The following SERPINA5 variants were observed in gnomAD, a reference collection of about 807,000 sequenced individuals.
SERPINA5 encodes serpin family A member 5.
A neutral mutation model predicts 25.3 loss-of-function variants in SERPINA5; 25 were observed. The ratio of observed to expected loss-of-function variants is 0.99; its 90% CI spans 0.72 to 1.38. The LOEUF (loss-of-function observed/expected upper bound fraction) is 1.38. SERPINA5 is among the 40% of genes most tolerant of loss of function. The pLI is 0.00. For synonymous variants in SERPINA5, 234 were observed against 206.2 expected (o/e 1.14, Z -1.16); for missense variants, 599 against 509.5 (o/e 1.18, Z -1.69).
intron 2 of SERPINA5, among the ~76,000 whole-genome samples, chr14:94,585,085 A>G (rs1885031598): frequency 6.6e-6 from 1 of 152,094 alleles, no homozygotes; most frequent in Non-Finnish European, 1.5e-5. Context: ...AAGAGGAGGC[A>G]GGACTCTGCA....
intron 2 of SERPINA5, chr14:94,587,032 C>G: frequency 3.7e-6 from 1 of 272,962 alleles, no homozygotes; most frequent in South Asian, 8.1e-5. Flanking sequence ...GGAACCCTCT[C>G]CCTCCATATC....
chr14:94,585,674 A>G (rs1433697753), intron 2 of SERPINA5, among the ~76,000 whole-genome samples: 3 of 152,106 alleles, frequency 2.0e-5, no homozygotes, highest in African/African-American at 7.2e-5. Flanking sequence ...GATTCCCTCC[A>G]AGGCGACACA....
Position 94,587,574 on chromosome 14 carries a change from G to A in SERPINA5, c.212G>A (p.Ser71Asn). The A allele has an allele frequency of 6.2e-7, 1 of 1,614,104 alleles. No individual in the cohort carries two copies. The highest frequency in any genetic ancestry group is 8.5e-7 in the Non-Finnish European group (1 of 1,179,966). The change falls in exon 3 of 6, where the codon AGC becomes AAC. Residue 71 changes from serine to asparagine, a missense_variant. Ser to Asn is a conservative substitution (Grantham distance 46, BLOSUM62 1). Transcript: ENST00000329597. ...CAGAGCATCTTCTTCTCCCCTGTGA[G>A]CATCTCCATGAGCCTGGCCATGCTC... is the stretch of plus-strand genomic sequence containing the variant. ...PSQSIFFSPV[S>N]ISMSLAMLSL... is the part of the protein sequence containing the mutation.
At chr14:94,586,423 G>GTGGC (rs2139925694) in intron 2 of SERPINA5, among the ~76,000 whole-genome samples, 1 of 152,124 alleles carries the variant, frequency 6.6e-6, no homozygotes, top group Non-Finnish European at 1.5e-5. Flanking sequence ...TGGCTCACAG[G>GTGGC]TGGCTGCCTT....
At position 94,587,499 on chromosome 14, in the gene SERPINA5, G is replaced by A. The variant is rs1358995737; in HGVS notation, c.137G>A (p.Arg46Lys). Reference sequence around the variant, plus strand: ...GCCACGGTGGCCCCCAGCAGCAGAAGGGACTTTACCTTTGACCTCTACAGG... The same window carrying A: ...GCCACGGTGGCCCCCAGCAGCAGAAAGGACTTTACCTTTGACCTCTACAGG... ...VGATVAPSSRRDFTFDLYRAL... is the reference protein window; with the variant it reads ...VGATVAPSSRKDFTFDLYRAL... Residue 46 changes from arginine to lysine, a missense_variant, in exon 3 of 6, where the codon AGG becomes AAG. By Grantham distance (26) the Arg-to-Lys change is conservative. Transcript: ENST00000329597. 1.9e-6 allele frequency: 3 copies of A among 1,614,092 alleles called. No homozygotes were observed. The highest frequency in any genetic ancestry group is 1.1e-5 in the South Asian group (1 of 91,080).
At chr14:94,584,097 G>A (rs182262351) in intron 2 of SERPINA5, among the ~76,000 whole-genome samples, 51 of 152,292 alleles carry the variant, frequency 3.3e-4, no homozygotes, top group Admixed American at 2.0e-3. Flanking sequence ...TGAACCGCCT[G>A]GGGATACCAG....
At position 94,590,879 on chromosome 14, in the gene SERPINA5, A is replaced by G; in HGVS notation, c.1021A>G (p.Asn341Asp). 6.2e-7 allele frequency: 1 copy of G among 1,611,230 alleles called. No homozygotes were observed. The change falls in exon 5 of 6, where the codon AAT becomes GAT. Residue 341 changes from asparagine (N) to aspartate (D), a missense_variant. Physicochemically the swap from Asn to Asp is conservative, Grantham distance 23. Coordinates refer to ENST00000329597, the MANE Select transcript of SERPINA5 (RefSeq NM_000624.6). The stretch of plus-strand genomic sequence containing the variant: ...TCTGTCCGGCATCAGCAACCACTCA[A>G]ATATCCAGGTGTCTGAGGTGGGTTC... ...ADLSGISNHS[N>D]IQVSEMVHKA...
chr14:94,591,924 A>G, intron 5 of SERPINA5, 133 bp from the exon 6 acceptor site: 2 of 1,004,184 alleles, frequency 2.0e-6, no homozygotes, highest in East Asian at 2.4e-5. Context: ...CCATTGTTCC[A>G]TTTCCTACTT....
intron 2 of SERPINA5, among the ~76,000 whole-genome samples, chr14:94,582,556 G>A (rs146865582): frequency 5.1e-4 from 78 of 152,340 alleles, no homozygotes; most frequent in African/African-American, 1.4e-3. Context: ...GCTCCGGGGC[G>A]GGGAGAGCTC....
At position 94,587,946 on chromosome 14, in the gene SERPINA5, C is replaced by A. The variant is rs555139768; in HGVS notation, c.584C>A (p.Ala195Glu). 1 of 1,614,142 alleles carries A rather than the reference C, an allele frequency of 6.2e-7. No individual in the cohort carries two copies. The highest frequency in any genetic ancestry group is 1.7e-5 in the Admixed American group (1 of 60,018). ...TTGCTTAAGAACCTCGATAGCAATG[C>A]GGTCGTGATCATGGTGAATTACATC... Reference protein sequence around the residue: ...VDLLKNLDSNAVVIMVNYIFF... With the variant: ...VDLLKNLDSNEVVIMVNYIFF... Residue 195 changes from alanine (A) to glutamate (E), a missense_variant, in exon 3 of 6, where the codon GCG becomes GAG. Ala to Glu is a moderately radical substitution (Grantham distance 107, BLOSUM62 -1). Coordinates refer to ENST00000329597, the MANE Select transcript of SERPINA5 (RefSeq NM_000624.6).
Position 94,592,366 on chromosome 14 carries a change from A to G in SERPINA5, c.*127A>G. ...AGTTGACTAATGAGGCATTACAAAT[A>G]ATATTACTCTATGATGATTGCTTCC... is the stretch of plus-strand genomic sequence containing the variant. On this transcript the variant is annotated 3_prime_UTR_variant, in exon 6 of 6. Transcript: ENST00000329597. 1 of 909,380 alleles carries G rather than the reference A, an allele frequency of 1.1e-6. No homozygotes were observed. Among genetic ancestry groups the G allele is most frequent in the Non-Finnish European group, 1.7e-6 (1 of 598,174 alleles). 56.3% of individuals were successfully genotyped at this position (909,380 alleles called of 1,614,324 possible). A position where few individuals can be genotyped will look rare whatever the true frequency, so the allele number is the denominator to read the frequency against.
Position 94,593,020 on chromosome 14 carries a change from G to T in SERPINA5, c.*781G>T, listed in dbSNP as rs1047541370. 3 of 152,174 alleles carry T rather than the reference G, an allele frequency of 2.0e-5. No individual in the cohort carries two copies. Among genetic ancestry groups the T allele is most frequent in the African/African-American group, 7.2e-5 (3 of 41,448 alleles). The allele number at this position is 152,174 out of a possible 1,614,324, so 9.4% of individuals were successfully genotyped here. A position where few individuals can be genotyped will look rare whatever the true frequency, so the allele number is the denominator to read the frequency against. On this transcript the variant is annotated 3_prime_UTR_variant, in exon 6 of 6. Transcript: ENST00000329597. ...GGGCCTGGCTGGGAGTGGAAGAAGG[G>T]AAGCCTTTTGCAAATAGTAGAGTAT...
rs1885334383 is a variant in SERPINA5, at chr14:94,592,373, C to T, written c.*134C>T. On this transcript the variant is annotated 3_prime_UTR_variant, in exon 6 of 6. Transcript: ENST00000329597. ...TAATGAGGCATTACAAATAATATTACTCTATGATGATTGCTTCCACCCACA... is the reference window on the plus strand; with the variant it reads ...TAATGAGGCATTACAAATAATATTATTCTATGATGATTGCTTCCACCCACA... The T allele has an allele frequency of 1.2e-6, 1 of 867,268 alleles. No individual in the cohort carries two copies. The allele number at this position is 867,268 out of a possible 1,614,324, so 53.7% of individuals were successfully genotyped here. A position where few individuals can be genotyped will look rare whatever the true frequency, so the allele number is the denominator to read the frequency against.
At chr14:94,582,212 A>G (rs917191496) in intron 2 of SERPINA5, 3 of 152,244 alleles carry the variant, frequency 2.0e-5, no homozygotes, top group African/African-American at 7.2e-5. Flanking sequence ...CAGAATTTTT[A>G]GTTTTTCTGA....
At chr14:94,590,993 T>A in intron 5 of SERPINA5, 97 bp downstream of exon 5, 1 of 1,223,042 alleles carries the variant, frequency 8.2e-7, no homozygotes, top group Non-Finnish European at 1.1e-6. Context: ...TCCATTCCAC[T>A]CAACTCCACT....
chr14:94,590,008 T>C, intron 3 of SERPINA5, 33 bp from the exon 4 acceptor site: 3 of 1,548,910 alleles, frequency 1.9e-6, no homozygotes, highest in Non-Finnish European at 2.6e-6. Flanking sequence ...TGACACAAAA[T>C]TCTTTTTCAT....
At position 94,590,119 on chromosome 14, in the gene SERPINA5, T is replaced by C; in HGVS notation, c.698T>C (p.Val233Ala). 6.2e-7 allele frequency: 1 copy of C among 1,613,940 alleles called. No homozygotes were observed. Among genetic ancestry groups the C allele is most frequent in the Non-Finnish European group, 8.5e-7 (1 of 1,179,956 alleles). Residue 233 changes from valine (V) to alanine (A), a missense_variant, in exon 4 of 6, where the codon GTA becomes GCA. By Grantham distance (64) the Val-to-Ala change is moderately conservative (BLOSUM62 0). Transcript: ENST00000329597. ...FYVTSETVVRVPMMSREDQYH... is the reference protein window; with the variant it reads ...FYVTSETVVRAPMMSREDQYH... ...GTGACCTCGGAGACTGTGGTGCGGG[T>C]ACCCATGATGAGCCGCGAGGATCAG...
At position 94,589,140 on chromosome 14, in the gene SERPINA5, G is replaced by A. The variant is rs538283670; in HGVS notation, c.620-901G>A. On this transcript the variant is annotated intron_variant, in intron 3 of 5. Coordinates refer to ENST00000329597, the MANE Select transcript of SERPINA5 (RefSeq NM_000624.6). ...ACGGTATTGACTGGGGTCTTCCTTC[G>A]ATAACGATTAAGAAGTTGGAAACAG... Among the ~76,000 whole-genome samples the A allele has an allele frequency of 7.9e-5, 12 of 152,236 alleles. No homozygotes were observed. In the South Asian group the frequency reaches 1.2e-3, roughly 16 times the overall value.
chr14:94,591,988 C>A, intron 5 of SERPINA5, 69 bp from the exon 6 acceptor site: 1 of 1,522,970 alleles, frequency 6.6e-7, no homozygotes, highest in Non-Finnish European at 8.9e-7. Flanking sequence ...TAGGCAGAAG[C>A]TTTGCCATTT....
Sources: allele counts gnomAD v4.1 joint callset (sites outside exome capture counted in the v4.1 genomes callset), GRCh38; gene constraint gnomAD v4.1.1; transcripts MANE v1.5; gene names NCBI Gene and HGNC (gene_info 2026-07-23, HGNC 2026-07-21).